The following OXR1 variants were observed in gnomAD, a reference collection of about 807,000 sequenced individuals.
OXR1 encodes oxidation resistance 1, also known as oxidation resistance protein 1.
In OXR1, 41 loss-of-function variants were observed where a neutral mutation model predicts 104.6. The ratio of observed to expected loss-of-function variants is 0.39; its 90% CI spans 0.31 to 0.51. The LOEUF is 0.51. Ranked by LOEUF, OXR1 falls within the 20% of genes least tolerant of loss-of-function variation. The probability of loss-of-function intolerance (pLI) is 0.77; values close to 1 mark genes in which losing one functional copy is unlikely to be tolerated. For missense variants in OXR1, 955 were observed against 1,031.9 expected (o/e 0.93, Z 1.02); for synonymous variants, 348 against 348.4 (o/e 1.00, Z 0.01).
intron 2 of OXR1, among the ~76,000 whole-genome samples, chr8:106,477,019 T>A (rs1456317143): frequency 1.3e-5 from 2 of 152,024 alleles, no homozygotes; most frequent in East Asian, 3.9e-4. Context: ...ATGGTCCCTA[T>A]GCTGGATTCA....
intron 3 of OXR1, among the ~76,000 whole-genome samples, chr8:106,638,335 A>G (rs1005604830): frequency 2.6e-5 from 4 of 151,456 alleles, no homozygotes; most frequent in Non-Finnish European, 4.4e-5. Context: ...TATTTTATCT[A>G]TTCTAACCGG....
chr8:106,555,975 G>A (rs901310830), intron 3 of OXR1, among the ~76,000 whole-genome samples: 29 of 141,510 alleles, frequency 2.0e-4, no homozygotes, highest in Admixed American at 6.6e-4. Flanking sequence ...ACTATAAAAA[G>A]AAATGAAGTA....
At chr8:106,677,185 A>AAATGAGGAGT (rs11268819) in intron 3 of OXR1, among the ~76,000 whole-genome samples, 91,949 of 151,896 alleles carry the variant, frequency 0.61, 28,706 homozygotes, top group African/African-American at 0.76. Context: ...TTAAATTGCA[A>AAATGAGGAGT]GTTTAATTTG....
chr8:106,663,918 C>T (rs971961632), intron 3 of OXR1, among the ~76,000 whole-genome samples: 4 of 152,102 alleles, frequency 2.6e-5, no homozygotes, highest in African/African-American at 9.7e-5. Context: ...TGGAGTGTAC[C>T]AGTTGTTACA....
intron 2 of OXR1, among the ~76,000 whole-genome samples, chr8:106,517,894 CA>C (rs1812965104): frequency 2.0e-5 from 3 of 152,120 alleles, no homozygotes. Context: ...ATTATCTTCA[CA>C]AAGCTTTTGC....
chr8:106,461,011 C>T lies in OXR1; in HGVS notation c.24-57932C>T, dbSNP rs529405946. ...TTTAAGACATGAAGAGCTGAACAAG[C>T]AGATGTTTAGCCTGAAGGAAAGAAC... On this transcript the variant is annotated intron_variant, in intron 2 of 16. Transcript: ENST00000517566. Among the ~76,000 whole-genome samples, 11 of 152,014 alleles carry T rather than the reference C, an allele frequency of 7.2e-5. No individual in the cohort carries two copies. In the South Asian group the frequency reaches 2.1e-3, roughly 29 times the overall value.
intron 3 of OXR1, among the ~76,000 whole-genome samples, chr8:106,591,406 G>T (rs1022764079): frequency 6.1e-5 from 9 of 148,206 alleles, no homozygotes; most frequent in Non-Finnish European, 1.2e-4. Context: ...TAACAAACGT[G>T]CACGTTGTGC....
At chr8:106,431,531 T>C (rs1236397190) in intron 2 of OXR1, among the ~76,000 whole-genome samples, 1 of 152,210 alleles carries the variant, frequency 6.6e-6, no homozygotes, top group African/African-American at 2.4e-5. Context: ...GAATTTAAAA[T>C]AACTCTGCCA....
intron 3 of OXR1, among the ~76,000 whole-genome samples, chr8:106,565,186 T>C (rs1266259213): frequency 1.3e-5 from 2 of 152,198 alleles, no homozygotes; most frequent in Non-Finnish European, 2.9e-5. Context: ...GAAGTCAAAT[T>C]ATCTGTGTTT....
At chr8:106,729,982 CTGTG>C (rs1207857486) in intron 11 of OXR1, 2 of 152,112 alleles carry the variant, frequency 1.3e-5, no homozygotes, top group African/African-American at 2.4e-5. Context: ...CTGCATCTGT[CTGTG>C]TGTTTTTTCT....
At chr8:106,696,902 G>A (rs56371135) in intron 7 of OXR1, among the ~76,000 whole-genome samples, 1 of 152,200 alleles carries the variant, frequency 6.6e-6, no homozygotes, top group Non-Finnish European at 1.5e-5. Context: ...GGCTGCCCCA[G>A]ATGTGTGGTG....
chr8:106,591,971 C>G (rs1397150273), intron 3 of OXR1, among the ~76,000 whole-genome samples: 1 of 152,190 alleles, frequency 6.6e-6, no homozygotes, highest in African/African-American at 2.4e-5. Context: ...CTGCCCCCTG[C>G]TGCCTGATAC....
chr8:106,704,393 C>CTTTT lies in OXR1; in HGVS notation c.860+1331_860+1334dup, dbSNP rs71307084. The stretch of plus-strand genomic sequence containing the variant: ...TTTTTCTTTTTCTTTCTTTCTTCTT[C>CTTTT]TTTTTTTTTTTTTTTTTTTTTTTTT... On this transcript the variant is annotated intron_variant, in intron 8 of 16. Coordinates refer to ENST00000517566, the MANE Select transcript of OXR1 (RefSeq NM_001198533.2). Among the ~76,000 whole-genome samples the CTTTT allele has an allele frequency of 4.7e-3, 223 of 47,846 alleles. 5 individuals are homozygous for CTTTT. The highest frequency in any genetic ancestry group is 5.2e-3 in the Non-Finnish European group (148 of 28,564). The allele number at this position is 47,846 out of a possible 152,430, so 31.4% of individuals were successfully genotyped here. A position where few individuals can be genotyped will look rare whatever the true frequency, so the allele number is the denominator to read the frequency against.
At chr8:106,330,861 A>G (rs1279552789) in intron 1 of OXR1, among the ~76,000 whole-genome samples, 1 of 152,210 alleles carries the variant, frequency 6.6e-6, no homozygotes, top group Non-Finnish European at 1.5e-5. Context: ...TCCTACTCAA[A>G]TGTGTAGTTG....
chr8:106,421,222 C>G (rs1194489884), intron 2 of OXR1, among the ~76,000 whole-genome samples: 1 of 152,050 alleles, frequency 6.6e-6, no homozygotes, highest in Non-Finnish European at 1.5e-5. Flanking sequence ...CTATAGAACA[C>G]TAGTAAAGAA....
intron 3 of OXR1, among the ~76,000 whole-genome samples, chr8:106,621,634 T>C (rs1189949472): frequency 2.6e-5 from 4 of 152,140 alleles, no homozygotes; most frequent in Non-Finnish European, 5.9e-5. Context: ...AACACAAGAT[T>C]ATCCATTAAA....
intron 2 of OXR1, among the ~76,000 whole-genome samples, chr8:106,511,010 T>C (rs892108062): frequency 9.2e-5 from 14 of 152,182 alleles, no homozygotes; most frequent in Admixed American, 2.6e-4. Flanking sequence ...AATCCTCCTG[T>C]TTAAGGGCAC....
chr8:106,450,419 T>G (rs1190911068), intron 2 of OXR1, among the ~76,000 whole-genome samples: 1 of 152,216 alleles, frequency 6.6e-6, no homozygotes, highest in Non-Finnish European at 1.5e-5. Flanking sequence ...ATATTAAATT[T>G]TTGTTGTTGG....
chr8:106,287,955 G>A (rs1343252348), intron 1 of OXR1, among the ~76,000 whole-genome samples: 1 of 152,208 alleles, frequency 6.6e-6, no homozygotes, highest in Non-Finnish European at 1.5e-5. Flanking sequence ...CACATGGGAA[G>A]TGGCTGGAAT....
Sources: allele counts gnomAD v4.1 joint callset (sites outside exome capture counted in the v4.1 genomes callset), GRCh38; gene constraint gnomAD v4.1.1; transcripts MANE v1.5; gene names NCBI Gene and HGNC (gene_info 2026-07-23, HGNC 2026-07-21).